Variants in CTNNA3 observed in about 807,000 individuals in gnomAD.
CTNNA3 encodes the protein catenin alpha 3.
CTNNA3 carries 76 observed loss-of-function variants against 95.7 expected under a neutral mutation model. The ratio of observed to expected loss-of-function variants is 0.79; its 90% CI spans 0.66 to 0.96. The LOEUF (loss-of-function observed/expected upper bound fraction) is 0.96. Ranked by LOEUF, CTNNA3 falls within the 40% of genes least tolerant of loss-of-function variation. The pLI is 0.00. For missense variants in CTNNA3, 1,191 were observed against 1,089.8 expected, an observed-to-expected ratio of 1.09 and a Z score of -1.31; for synonymous variants, 431 against 374.4, an observed-to-expected ratio of 1.15 and a Z score of -1.74.
chr10:65,999,340 A>G (rs1057013767), intron 15 of CTNNA3, among the ~76,000 whole-genome samples: 1 of 152,192 alleles, frequency 6.6e-6, no homozygotes, highest in African/African-American at 2.4e-5. Context: ...CATCTTTTAA[A>G]TGATAGACAG....
intron 13 of CTNNA3, among the ~76,000 whole-genome samples, chr10:66,105,713 C>T (rs1031671162): frequency 6.6e-6 from 1 of 152,182 alleles, no homozygotes; most frequent in Non-Finnish European, 1.5e-5. Flanking sequence ...TCTTGCAAAG[C>T]TACAAAAACT....
intron 14 of CTNNA3, chr10:66,097,940 T>C (rs1484729965): frequency 6.6e-6 from 1 of 152,138 alleles, no homozygotes; most frequent in Non-Finnish European, 1.5e-5. Context: ...TGGTGGGAAC[T>C]AACTTTGGAT....
chr10:66,634,955 A>G (rs1845284588), intron 9 of CTNNA3, among the ~76,000 whole-genome samples: 1 of 152,174 alleles, frequency 6.6e-6, no homozygotes, highest in African/African-American at 2.4e-5. Flanking sequence ...CATAGCTCAA[A>G]TTGAAGTCTG....
Position 66,171,389 on chromosome 10 carries a change from A to T in CTNNA3, c.1885-68140T>A, listed in dbSNP as rs183879550. 3.2e-4 allele frequency among the ~76,000 whole-genome samples: 49 copies of T among 151,726 alleles called. 1 individual carries two copies. The highest frequency in any genetic ancestry group is 6.8e-3 in the Middle Eastern group (2 of 294). On this transcript the variant is annotated intron_variant, in intron 13 of 17. Transcript: ENST00000433211. ...GGTGAAACACCATCTCTACTAAAAA[A>T]TAAAAAAATAGCCAGGCATGGTGGT...
At chr10:66,382,331 G>A (rs756312012) in intron 11 of CTNNA3, among the ~76,000 whole-genome samples, 18 of 152,190 alleles carry the variant, frequency 1.2e-4, no homozygotes, top group Non-Finnish European at 2.2e-4. Context: ...CTCACTGCTA[G>A]TGCAGCAGTC....
intron 9 of CTNNA3, among the ~76,000 whole-genome samples, chr10:66,662,791 GAGA>G (rs1170405864): frequency 1.3e-5 from 2 of 152,124 alleles, no homozygotes; most frequent in African/African-American, 4.8e-5. Context: ...GAGAGAGAGA[GAGA>G]AGGAGGGGAG....
intron 7 of CTNNA3, among the ~76,000 whole-genome samples, chr10:67,174,336 T>C (rs1003459967): frequency 7.9e-5 from 12 of 152,146 alleles, no homozygotes; most frequent in African/African-American, 2.9e-4. Flanking sequence ...GAATAGTCTG[T>C]TTCCTCAATA....
At chr10:67,113,042 T>A (rs1858992628) in intron 7 of CTNNA3, among the ~76,000 whole-genome samples, 1 of 152,196 alleles carries the variant, frequency 6.6e-6, no homozygotes, top group South Asian at 2.1e-4. Flanking sequence ...ACATTCGCTA[T>A]CATGGTGACC....
intron 13 of CTNNA3, among the ~76,000 whole-genome samples, chr10:66,221,255 T>C (rs940623353): frequency 5.9e-5 from 9 of 152,088 alleles, no homozygotes; most frequent in Non-Finnish European, 8.8e-5. Flanking sequence ...AATTATAACC[T>C]GGCTTAACTC....
chr10:66,108,706 T>C (rs552939249), intron 13 of CTNNA3, among the ~76,000 whole-genome samples: 3 of 152,166 alleles, frequency 2.0e-5, no homozygotes, highest in Non-Finnish European at 4.4e-5. Context: ...TTTCCACTCA[T>C]GAAATGGCAC....
intron 3 of CTNNA3, among the ~76,000 whole-genome samples, chr10:67,560,585 A>T (rs578031504): frequency 3.9e-5 from 6 of 152,330 alleles, no homozygotes; most frequent in Admixed American, 2.0e-4. Flanking sequence ...TCAACTAACG[A>T]GGAAAATAGG....
chr10:66,089,948 A>T lies in CTNNA3; in HGVS notation c.1977+13209T>A, dbSNP rs575909357. ...GAAAATGAAATCCTTTTTCCTTATA[A>T]CACCATTTTATATTATTTTAGGAAA... is the stretch of plus-strand genomic sequence containing the variant. On this transcript the variant is annotated intron_variant, in intron 14 of 17. Coordinates refer to ENST00000433211, the MANE Select transcript of CTNNA3 (RefSeq NM_013266.4). Among the ~76,000 whole-genome samples the T allele has an allele frequency of 1.1e-3, 172 of 152,174 alleles. 1 individual carries two copies. The highest frequency in any genetic ancestry group is 0.011 in the Admixed American group (163 of 15,232).
chr10:66,073,207 T>C (rs149976787), intron 14 of CTNNA3, among the ~76,000 whole-genome samples: 58 of 152,258 alleles, frequency 3.8e-4, no homozygotes, highest in African/African-American at 1.3e-3. Flanking sequence ...AAATCTATTA[T>C]ACAACATGGT....
Position 67,134,644 on chromosome 10 carries a change from A to T in CTNNA3, c.1047+45673T>A, listed in dbSNP as rs534016657. 2.0e-5 allele frequency among the ~76,000 whole-genome samples: 3 copies of T among 152,138 alleles called. No homozygotes were observed. In the South Asian group the frequency reaches 6.2e-4, roughly 32 times the overall value. ...ATCCATTCAGTTTTATTAAGCTTGTATCCTAGATATCTGCATCCATTCAGT... is the reference window on the plus strand; with the variant it reads ...ATCCATTCAGTTTTATTAAGCTTGTTTCCTAGATATCTGCATCCATTCAGT... On this transcript the variant is annotated intron_variant, in intron 7 of 17. Transcript: ENST00000433211.
chr10:67,480,919 T>G (rs1848197873), intron 5 of CTNNA3, among the ~76,000 whole-genome samples: 1 of 152,142 alleles, frequency 6.6e-6, no homozygotes, highest in Non-Finnish European at 1.5e-5. Flanking sequence ...CATAATCATG[T>G]AAGCTTTATT....
intron 7 of CTNNA3, among the ~76,000 whole-genome samples, chr10:67,110,278 C>A (rs1243828240): frequency 6.6e-6 from 1 of 151,984 alleles, no homozygotes; most frequent in East Asian, 1.9e-4. Context: ...ATTATAACAA[C>A]CTTTAGCTTT....
intron 7 of CTNNA3, among the ~76,000 whole-genome samples, chr10:66,943,488 A>G (rs1260221163): frequency 6.8e-6 from 1 of 147,786 alleles, no homozygotes; most frequent in Non-Finnish European, 1.5e-5. Context: ...AAGCCTATCT[A>G]CATCCTGATC....
At chr10:66,251,179 C>A (rs1192031101) in intron 13 of CTNNA3, among the ~76,000 whole-genome samples, 1 of 152,172 alleles carries the variant, frequency 6.6e-6, no homozygotes, top group African/African-American at 2.4e-5. Flanking sequence ...TTGTAGTAAG[C>A]AGCCATCTTG....
intron 12 of CTNNA3, among the ~76,000 whole-genome samples, chr10:66,354,204 G>A (rs1348470270): frequency 1.3e-5 from 2 of 151,786 alleles, no homozygotes; most frequent in Non-Finnish European, 2.9e-5. Context: ...AGAATCGCTT[G>A]AACCCGGGAG....
Sources: allele counts gnomAD v4.1 joint callset (sites outside exome capture counted in the v4.1 genomes callset), GRCh38; gene constraint gnomAD v4.1.1; transcripts MANE v1.5; gene names NCBI Gene and HGNC (gene_info 2026-07-23, HGNC 2026-07-21).